The following MYO3B variants were observed in gnomAD, a reference collection of about 807,000 sequenced individuals.
MYO3B encodes myosin-IIIb.
In MYO3B, 156 loss-of-function variants were observed where a neutral mutation model predicts 174.6. That is an observed-to-expected ratio of 0.89 (90% CI 0.78 to 1.02). MYO3B has a LOEUF of 1.02. MYO3B is among the 50% of genes least tolerant of loss of function. MYO3B has a pLI of 0.00. For synonymous variants in MYO3B, 563 were observed against 569.1 expected, an observed-to-expected ratio of 0.99 and a Z score of 0.15; for missense variants, 1,632 against 1,639.4, an observed-to-expected ratio of 1.00 and a Z score of 0.08.
At chr2:170,536,989 C>T (rs1689728904) in intron 30 of MYO3B, among the ~76,000 whole-genome samples, 1 of 151,930 alleles carries the variant, frequency 6.6e-6, no homozygotes, top group South Asian at 2.1e-4. Context: ...ATCACGAGGT[C>T]AGGCATTCAA....
rs1225928308 is a variant in MYO3B at position 170,214,339 on chromosome 2, GGTC to G, written c.322-39_322-37del. 2.7e-6 allele frequency: 4 copies of G among 1,503,802 alleles called. No homozygotes were observed. The African/African-American group carries it at 4.2e-5, about 16-fold the overall frequency. The allele number at this position is 1,503,802 out of a possible 1,614,324, so 93.2% of individuals were successfully genotyped here. The stretch of plus-strand genomic sequence containing the variant: ...TCTTTTTCTTTTCTTTTTCACATGT[GGTC>G]TCCTGCTCTCCCTGTGTCTGGCACC... On this transcript the variant is annotated intron_variant, in intron 3 of 34. Transcript: ENST00000408978.
At chr2:170,225,667 G>T (rs1333601695) in intron 6 of MYO3B, among the ~76,000 whole-genome samples, 1 of 152,136 alleles carries the variant, frequency 6.6e-6, no homozygotes, top group Admixed American at 6.5e-5. Context: ...GAATAAAAAA[G>T]CACAAATTTT....
chr2:170,192,021 C>G (rs772239473), intron 1 of MYO3B, among the ~76,000 whole-genome samples: 2 of 152,018 alleles, frequency 1.3e-5, no homozygotes, highest in African/African-American at 4.8e-5. Flanking sequence ...CTACTTTTAT[C>G]ATGTTTTTGT....
intron 28 of MYO3B, among the ~76,000 whole-genome samples, chr2:170,507,107 G>A (rs1287206515): frequency 1.3e-5 from 2 of 152,210 alleles, no homozygotes; most frequent in African/African-American, 2.4e-5. Context: ...TGGCCGTAGG[G>A]CAGGAGGCAG....
Position 170,499,549 on chromosome 2 carries a change from A to G in MYO3B, c.3127-97A>G, listed in dbSNP as rs1687091222. The G allele has an allele frequency of 4.7e-6, 5 of 1,070,128 alleles. No individual in the cohort carries two copies. In the East Asian group the frequency reaches 1.3e-4, roughly 28 times the overall value. 66.3% of individuals were successfully genotyped at this position (1,070,128 alleles called of 1,614,324 possible). A position where few individuals can be genotyped will look rare whatever the true frequency, so the allele number is the denominator to read the frequency against. ...TCACATCGCTATAAACTTTATTTATATCATTGTTTTAATATTTTCATTTAG... is the reference window on the plus strand; with the variant it reads ...TCACATCGCTATAAACTTTATTTATGTCATTGTTTTAATATTTTCATTTAG... On this transcript the variant is annotated intron_variant, in intron 26 of 34. Coordinates refer to ENST00000408978, the MANE Select transcript of MYO3B (RefSeq NM_138995.5).
At chr2:170,579,655 C>T (rs1693003926) in intron 32 of MYO3B, among the ~76,000 whole-genome samples, 1 of 152,332 alleles carries the variant, frequency 6.6e-6, no homozygotes, top group Non-Finnish European at 1.5e-5. Context: ...GTTGTCAGGG[C>T]CATTGTCAGG....
chr2:170,178,447 G>C (rs761753820), intron 1 of MYO3B, among the ~76,000 whole-genome samples, 158 bp downstream of exon 1: 17 of 152,264 alleles, frequency 1.1e-4, no homozygotes, highest in Non-Finnish European at 2.2e-4. Context: ...AGATTCCTGG[G>C]TCCTCTCAGT....
At position 170,383,727 on chromosome 2, in the gene MYO3B, T is replaced by TG. The variant is rs1558945800; in HGVS notation, c.1207dup (p.Val403GlyfsTer59). On this transcript the variant is annotated frameshift_variant, in exon 12 of 35. Transcript: ENST00000408978. LOFTEE classifies it high-confidence loss of function. ...TCCTTCAGTTTTCCAGACTTTATCATGGGGTGAAACGCGCCTCCAATCCCC... is the reference window on the plus strand; with the variant it reads ...TCCTTCAGTTTTCCAGACTTTATCATGGGGGTGAAACGCGCCTCCAATCCCC... The TG allele has an allele frequency of 1.9e-6, 3 of 1,613,518 alleles. No homozygotes were observed. In the South Asian group the frequency reaches 3.3e-5, roughly 18 times the overall value.
At chr2:170,541,096 C>T (rs577718731) in intron 30 of MYO3B, among the ~76,000 whole-genome samples, 1 of 152,248 alleles carries the variant, frequency 6.6e-6, no homozygotes, top group East Asian at 1.9e-4. Flanking sequence ...TAAGCTGACT[C>T]CCTGTGGAGA....
At chr2:170,490,881 A>G (rs1686423701) in intron 25 of MYO3B, among the ~76,000 whole-genome samples, 1 of 152,146 alleles carries the variant, frequency 6.6e-6, no homozygotes, top group South Asian at 2.1e-4. Context: ...TATTCTTTAA[A>G]TATTTGTAGA....
intron 20 of MYO3B, 46 bp downstream of exon 20, chr2:170,404,446 T>C: frequency 6.5e-7 from 1 of 1,545,072 alleles, no homozygotes; most frequent in Non-Finnish European, 8.7e-7. Context: ...GAACAAAACT[T>C]GGCTTGTGTC....
At chr2:170,648,424 G>C (rs1267421904) in intron 32 of MYO3B, among the ~76,000 whole-genome samples, 1 of 151,888 alleles carries the variant, frequency 6.6e-6, no homozygotes, top group Non-Finnish European at 1.5e-5. Context: ...GAGGTCAGGA[G>C]TTCGAGACCA....
At chr2:170,196,410 T>G (rs768362729) in intron 1 of MYO3B, among the ~76,000 whole-genome samples, 2 of 152,162 alleles carry the variant, frequency 1.3e-5, no homozygotes, top group Non-Finnish European at 2.9e-5. Flanking sequence ...CTATTAATAC[T>G]TGGGAGGCTG....
chr2:170,549,592 T>G (rs1690750273), intron 32 of MYO3B, among the ~76,000 whole-genome samples: 1 of 152,198 alleles, frequency 6.6e-6, no homozygotes, highest in South Asian at 2.1e-4. Flanking sequence ...GCAATTCAGC[T>G]ATCAGAAAGC....
intron 30 of MYO3B, among the ~76,000 whole-genome samples, chr2:170,527,358 T>C (rs1689069771): frequency 6.6e-6 from 1 of 152,212 alleles, no homozygotes; most frequent in Non-Finnish European, 1.5e-5. Context: ...AAACCCATAG[T>C]GTTTGGGTAG....
chr2:170,425,336 AAG>A (rs1214762980), intron 22 of MYO3B, among the ~76,000 whole-genome samples: 4 of 152,210 alleles, frequency 2.6e-5, no homozygotes, highest in African/African-American at 9.6e-5. Context: ...GTTGTGTGCA[AAG>A]AGAAGCTGTA....
intron 1 of MYO3B, among the ~76,000 whole-genome samples, chr2:170,196,540 C>T (rs2092602394): frequency 6.6e-6 from 1 of 152,150 alleles, no homozygotes; most frequent in African/African-American, 2.4e-5. Flanking sequence ...TTGAGTAATA[C>T]ATGTAAAAAG....
rs147868890 is a variant in MYO3B, at chr2:170,602,002, T to C, written c.3734-49626T>C. 4.5e-3 allele frequency: 4,032 copies of C among 897,560 alleles called. 98 individuals carry two copies. In the African/African-American group the frequency reaches 0.057, roughly 13 times the overall value. The allele number at this position is 897,560 out of a possible 1,614,324, so 55.6% of individuals were successfully genotyped here. On this transcript the variant is annotated intron_variant, in intron 32 of 34. Transcript: ENST00000408978. ...CTCCCCTTTAGGAGGGATATAGGTT[T>C]TCATTTCTCTTTCATAACGGTCTTT...
At chr2:170,393,325 C>T (rs556460460) in intron 16 of MYO3B, among the ~76,000 whole-genome samples, 3 of 152,056 alleles carry the variant, frequency 2.0e-5, no homozygotes. Context: ...CTCAAGTGAT[C>T]CACCTGCCTC....
Sources: allele counts gnomAD v4.1 joint callset (sites outside exome capture counted in the v4.1 genomes callset), GRCh38; gene constraint gnomAD v4.1.1; transcripts MANE v1.5; gene names NCBI Gene and HGNC (gene_info 2026-07-23, HGNC 2026-07-21).